The following ZMYM3 variants were observed in gnomAD, a reference collection of about 807,000 sequenced individuals.
ZMYM3 encodes the protein zinc finger MYM-type containing 3.
ZMYM3 carries 6 observed loss-of-function variants against 94.2 expected under a neutral mutation model. The observed-to-expected ratio is 0.06, with a 90% confidence interval of 0.03 to 0.13. The LOEUF is 0.13. Among genes scored for constraint, ZMYM3 ranks in the 10% least tolerant of loss-of-function variants. ZMYM3 has a pLI of 1.00. For missense variants in ZMYM3, 664 were observed against 1,132.6 expected, an observed-to-expected ratio of 0.59 and a Z score of 5.94; for synonymous variants, 420 against 426.5, an observed-to-expected ratio of 0.98 and a Z score of 0.19.
Position 71,242,982 on chromosome X carries a change from G to T in ZMYM3, c.3535C>A (p.Leu1179Ile), listed in dbSNP as rs1234302718. Reference protein sequence around the residue: ...NKSLSTWQPTLLPNNTVFSRV... With the variant: ...NKSLSTWQPTILPNNTVFSRV... ...CCCTGTTCCTTACTGTTGGGGAGGA[G>T]TGTGGGCTGCCAGGTACTCAGAGAC... is the stretch of plus-strand genomic sequence containing the variant. The change falls in exon 22 of 25, where the codon CTC becomes ATC. Residue 1179 changes from leucine (L) to isoleucine (I), a missense_variant. Transcript: ENST00000314425. The T allele has an allele frequency of 8.3e-7, 1 of 1,210,850 alleles. No individual in the cohort carries two copies. Among genetic ancestry groups the T allele is most frequent in the Admixed American group, 2.2e-5 (1 of 46,023 alleles).
At position 71,250,621 on chromosome X, in the gene ZMYM3, C is replaced by T. The variant is rs1279920275; in HGVS notation, c.884G>A (p.Ser295Asn). The T allele has an allele frequency of 8.3e-7, 1 of 1,211,519 alleles. No individual in the cohort carries two copies. Among genetic ancestry groups the T allele is most frequent in the East Asian group, 3.0e-5 (1 of 33,844 alleles). Residue 295 changes from serine (S) to asparagine (N), a missense_variant, in exon 5 of 25, where the codon AGT becomes AAT. Ser to Asn is a conservative substitution (Grantham distance 46, BLOSUM62 1). Around this residue, in one of 9 missense-constraint regions of ZMYM3, gnomAD observed 45 missense variants for 92.9 expected, o/e 0.48. Transcript: ENST00000314425. ...AGAGCGCCCGGCCCTTTGTGACACA[C>T]TTGAGCGTAGGGACATGCGAGGAGA... is the stretch of plus-strand genomic sequence containing the variant. ...RRSPRMSLRS[S>N]VSQRAGRSAV...
chrX:71,252,542 C>G, intron 2 of ZMYM3, 47 bp downstream of exon 2: 1 of 1,119,464 alleles, frequency 8.9e-7, no homozygotes, highest in East Asian at 3.1e-5. Flanking sequence ...CCCTCCTTAC[C>G]ACCACCCTCT....
In ZMYM3 at chrX:71,245,842, C is replaced by T. The variant is rs1283970218; in HGVS notation, c.2686G>A (p.Val896Met). 8.3e-7 allele frequency: 1 copy of T among 1,205,233 alleles called. No homozygotes were observed. Among genetic ancestry groups the T allele is most frequent in the African/African-American group, 1.8e-5 (1 of 56,382 alleles). Residue 896 changes from valine (V) to methionine (M), a missense_variant and splice_region_variant, in exon 17 of 25, where the codon GTG becomes ATG. Val to Met is a conservative substitution (Grantham distance 21, BLOSUM62 1). Coordinates refer to ENST00000314425, the MANE Select transcript of ZMYM3 (RefSeq NM_201599.3). ...VPVPFSMPIP[V>M]PVPMFLPTTL... is the part of the protein sequence containing the mutation. Reference sequence around the variant, plus strand: ...GTGGGCAAGAACATGGGCACAGGCACCTGGAGGCACGAATCCCAACTAAAT... The same window carrying T: ...GTGGGCAAGAACATGGGCACAGGCATCTGGAGGCACGAATCCCAACTAAAT...
rs1161790766 is a variant in ZMYM3 at position 71,250,525 on chromosome X, C to G, written c.980G>C (p.Arg327Pro). The G allele has an allele frequency of 8.3e-7, 1 of 1,211,264 alleles. No individual in the cohort carries two copies. The highest frequency in any genetic ancestry group is 1.7e-5 in the African/African-American group (1 of 57,972). ...PLQKGQTAYQ[R>P]KGLPQLFCSS... is the part of the protein sequence containing the mutation. The stretch of plus-strand genomic sequence containing the variant: ...GCAGAAGAGCTGAGGCAGCCCCTTG[C>G]GCTGATAGGCAGTCTGCCCCTTCTG... Residue 327 changes from arginine (R) to proline (P), a missense_variant, in exon 5 of 25, where the codon CGC becomes CCC. This residue lies in a region of ZMYM3 where 45 missense variants were observed against 92.9 expected (regional missense o/e 0.48). Coordinates refer to ENST00000314425, the MANE Select transcript of ZMYM3 (RefSeq NM_201599.3).
chrX:71,255,105 TC>T (rs2030699369), upstream of ZMYM3: 3 of 68,650 alleles, frequency 4.4e-5, no homozygotes, highest in African/African-American at 7.9e-5. Context: ...TCTCTCTCTC[TC>T]TCTCTCTCTC....
chrX:71,242,939 G>A (rs768946249), intron 22 of ZMYM3, 31 bp downstream of exon 22: 14 of 1,141,915 alleles, frequency 1.2e-5, no homozygotes, highest in African/African-American at 5.4e-5. Flanking sequence ...TGGAGAAAGC[G>A]GGTAGGGGTT....
At chrX:71,244,976 C>A in intron 18 of ZMYM3, 83 bp from the exon 19 acceptor site, 1 of 807,924 alleles carries the variant, frequency 1.2e-6, no homozygotes, top group South Asian at 2.4e-5. Context: ...GCTACTTGCC[C>A]ACTTGACACT....
rs1459863271 is a variant in ZMYM3, at chrX:71,251,162, C to T, written c.778+16G>A. 5.0e-6 allele frequency: 6 copies of T among 1,209,832 alleles called. No homozygotes were observed. The South Asian group carries it at 8.8e-5, about 18-fold the overall frequency. ...ACCCAGAACTCCCAGGTCACACTTC[C>T]TCAAATCCTACTTACTGCTCTCAGT... On this transcript the variant is annotated intron_variant, in intron 4 of 24. Transcript: ENST00000314425.
In ZMYM3 at chrX:71,244,391, T is replaced by G; in HGVS notation, c.3191A>C (p.Tyr1064Ser). ...CTTCCAAGCATTGACACCATATGAATAGTTGAGCCCGGTACAACTAGGCTG... is the reference window on the plus strand; with the variant it reads ...CTTCCAAGCATTGACACCATATGAAGAGTTGAGCCCGGTACAACTAGGCTG... ...SSQPSCTGLNYSYGVNAWKCW... is the reference protein window; with the variant it reads ...SSQPSCTGLNSSYGVNAWKCW... Residue 1064 changes from tyrosine to serine, a missense_variant, in exon 20 of 25, where the codon TAT (tyrosine) becomes TCT (serine). Tyr to Ser is a moderately radical substitution (Grantham distance 144). Coordinates refer to ENST00000314425, the MANE Select transcript of ZMYM3 (RefSeq NM_201599.3). 2 of 1,211,385 alleles carry G rather than the reference T, an allele frequency of 1.7e-6. No individual in the cohort carries two copies. The highest frequency in any genetic ancestry group is 2.2e-6 in the Non-Finnish European group (2 of 895,455).
chrX:71,248,036 G>T (rs2030263580), intron 11 of ZMYM3, 126 bp downstream of exon 11: 1 of 1,094,015 alleles, frequency 9.1e-7, no homozygotes. Context: ...CTTTAGGGGA[G>T]ATGGGGGTAG....
chrX:71,248,740 CTTG>C lies in ZMYM3; in HGVS notation c.1680_1682del (p.Asn560del), dbSNP rs2030303306. 2 of 1,206,593 alleles carry C rather than the reference CTTG, an allele frequency of 1.7e-6. No individual in the cohort carries two copies. Among genetic ancestry groups the C allele is most frequent in the South Asian group, 1.8e-5 (1 of 55,990 alleles). On this transcript the variant is annotated inframe_deletion, in exon 9 of 25. Coordinates refer to ENST00000314425, the MANE Select transcript of ZMYM3 (RefSeq NM_201599.3). ...AGAACTGGTAGACTGTGCGGTCAAC[CTTG>C]TTGTAGTAACAGGGGTCAGAGAGGC...
chrX:71,249,260 C>T, intron 7 of ZMYM3, 91 bp from the exon 8 acceptor site: 3 of 1,172,705 alleles, frequency 2.6e-6, no homozygotes, highest in Non-Finnish European at 2.3e-6. Flanking sequence ...TTCAGGCATA[C>T]AAAAAAAGTA....
At chrX:71,251,969 G>A in intron 2 of ZMYM3, 1 of 566,278 alleles carries the variant, frequency 1.8e-6, no homozygotes, top group Non-Finnish European at 2.1e-6. Flanking sequence ...CAGTGTATGG[G>A]TAGCTTCCCC....
At position 71,252,948 on chromosome X, in the gene ZMYM3, A is replaced by G; in HGVS notation, c.308T>C (p.Leu103Pro). 1.7e-6 allele frequency: 2 copies of G among 1,211,674 alleles called. No individual in the cohort carries two copies. The highest frequency in any genetic ancestry group is 2.2e-6 in the Non-Finnish European group (2 of 895,392). The change falls in exon 2 of 25, where the codon CTG (leucine) becomes CCG (proline). Residue 103 changes from leucine to proline, a missense_variant. Around this residue, in one of 9 missense-constraint regions of ZMYM3, gnomAD observed 196 missense variants for 190.8 expected, o/e 1.03. Coordinates refer to ENST00000314425, the MANE Select transcript of ZMYM3 (RefSeq NM_201599.3). ...GGTCTGATCTCCTGCATCCCATGCC[A>G]GGGTTCCCTCAGGACCGTGGTCCAC... ...PEVDHGPEGTLAWDAGDQTLE... is the reference protein window; with the variant it reads ...PEVDHGPEGTPAWDAGDQTLE...
chrX:71,251,321 G>T (rs887038839), intron 3 of ZMYM3, 77 bp from the exon 4 acceptor site: 3 of 507,086 alleles, frequency 5.9e-6, no homozygotes, highest in African/African-American at 2.6e-5. Flanking sequence ...TTTGGGGGGG[G>T]ATAGAAGATG....
Position 71,246,476 on chromosome X carries a change from T to TGGGGGGGGGGGGGGGGGTG in ZMYM3, c.2448_2449insCACCCCCCCCCCCCCCCCC (p.Thr817HisfsTer26). The TGGGGGGGGGGGGGGGGGTG allele has an allele frequency of 9.9e-6, 1 of 100,744 alleles. No individual in the cohort carries two copies. The highest frequency in any genetic ancestry group is 1.8e-4 in the Admixed American group (1 of 5,550). The allele number at this position is 100,744 out of a possible 1,213,427, so 8.3% of individuals were successfully genotyped here. A position where few individuals can be genotyped will look rare whatever the true frequency, so the allele number is the denominator to read the frequency against. The stretch of plus-strand genomic sequence containing the variant: ...GCTGGGGGTGGTGGGGGTGGAGGGG[T>TGGGGGGGGGGGGGGGGGTG]GGGAGCAGTGGGAGCTGATCGGGTC... On this transcript the variant is annotated frameshift_variant, in exon 15 of 25. Transcript: ENST00000314425. LOFTEE classifies it high-confidence loss of function.
chrX:71,243,046 C>T lies in ZMYM3; in HGVS notation c.3471G>A (p.Thr1157=), dbSNP rs1199183473. 1.4e-5 allele frequency: 17 copies of T among 1,209,512 alleles called. No homozygotes were observed. Among genetic ancestry groups the T allele is most frequent in the Non-Finnish European group, 1.7e-5 (15 of 895,055 alleles). Residue 1157 remains threonine, a synonymous_variant, in exon 22 of 25, where the codon ACG becomes ACA. Coordinates refer to ENST00000314425, the MANE Select transcript of ZMYM3 (RefSeq NM_201599.3). ...GAACAAAAGTCAGGTAGTAAAGGTC[C>T]GTGAAAATGTTCACCATCCGGTTAT... ...LENNRMVNIF[T]DLYYLTFVQE...
rs867408054 is a variant in ZMYM3 at position 71,253,114 on chromosome X, G to T, written c.142C>A (p.Pro48Thr). The change falls in exon 2 of 25, where the codon CCT (proline) becomes ACT (threonine). Residue 48 changes from proline to threonine, a missense_variant. Physicochemically the swap from Pro to Thr is conservative, Grantham distance 38 (BLOSUM62 -1). This residue lies in a region of ZMYM3 where 196 missense variants were observed against 190.8 expected (regional missense o/e 1.03). Transcript: ENST00000314425. ...QTAPTRGWAP[P>T]GPSPSSGALD... ...GCTCCCGAGGATGGAGAAGGGCCAG[G>T]GGGGGCCCATCCTCGAGTTGGGGCA... 6 of 1,205,363 alleles carry T rather than the reference G, an allele frequency of 5.0e-6. No individual in the cohort carries two copies. Among genetic ancestry groups the T allele is most frequent in the African/African-American group, 3.5e-5 (2 of 57,690 alleles).
intron 2 of ZMYM3, 33 bp from the exon 3 acceptor site, chrX:71,251,634 G>C: frequency 8.6e-7 from 1 of 1,156,953 alleles, no homozygotes; most frequent in South Asian, 2.0e-5. Flanking sequence ...CCTAAATGTT[G>C]AGCCTGCCCT....
Sources: allele counts gnomAD v4.1 joint callset, GRCh38; gene constraint gnomAD v4.1.1; regional missense constraint gnomAD v4.1.1; transcripts MANE v1.5; gene names NCBI Gene and HGNC (gene_info 2026-07-23, HGNC 2026-07-21).